Variants in LZTS1 observed in about 807,000 individuals in gnomAD.
LZTS1 encodes leucine zipper putative tumor suppressor 1.
A neutral mutation model predicts 45.8 loss-of-function variants in LZTS1; 31 were observed. The observed-to-expected ratio is 0.68, with a 90% CI of 0.51 to 0.91. The LOEUF (loss-of-function observed/expected upper bound fraction) is 0.91. Among genes scored for constraint, LZTS1 ranks in the 40% least tolerant of loss-of-function variants. The pLI is 0.00. For synonymous variants in LZTS1, 359 were observed against 357.3 expected (o/e 1.00, Z -0.05); for missense variants, 821 against 788.9 (o/e 1.04, Z -0.49).
intron 1 of LZTS1, among the ~76,000 whole-genome samples, chr8:20,291,093 A>C (rs1159299494): frequency 6.6e-6 from 1 of 152,170 alleles, no homozygotes; most frequent in East Asian, 1.9e-4. Flanking sequence ...AGGACACTGA[A>C]TGGTATCACA....
chr8:20,270,747 C>T (rs142865769), intron 1 of LZTS1, among the ~76,000 whole-genome samples: 85 of 151,970 alleles, frequency 5.6e-4, no homozygotes, highest in Admixed American at 1.5e-3. Flanking sequence ...TGGCCTTACC[C>T]CTCACCCCTA....
At position 20,251,138 on chromosome 8, in the gene LZTS1, TATATATATATAA is replaced by T. The variant is rs1341402069; in HGVS notation, c.1150-787_1150-776del. Among the ~76,000 whole-genome samples, 271 of 84,132 alleles carry T rather than the reference TATATATATATAA, an allele frequency of 3.2e-3. 14 individuals are homozygous for T. Among genetic ancestry groups the T allele is most frequent in the Non-Finnish European group, 4.2e-3 (179 of 43,100 alleles). 55.2% of individuals were successfully genotyped at this position (84,132 alleles called of 152,430 possible). On this transcript the variant is annotated intron_variant, in intron 3 of 3. Transcript: ENST00000381569. ...ATATATATATATATATATATATATA[TATATATATATAA>T]AATATAAAGTATAAGAGTAGAGATT... is the stretch of plus-strand genomic sequence containing the variant.
chr8:20,296,667 A>G (rs757803818), intron 1 of LZTS1, among the ~76,000 whole-genome samples: 1 of 152,104 alleles, frequency 6.6e-6, no homozygotes, highest in African/African-American at 2.4e-5. Flanking sequence ...AGACAATGAG[A>G]GTGGATGAAT....
chr8:20,252,773 T>C lies in LZTS1; in HGVS notation c.1149+9A>G, dbSNP rs368052167. 17 of 1,508,634 alleles carry C rather than the reference T, an allele frequency of 1.1e-5. No individual in the cohort carries two copies. The African/African-American group carries it at 2.1e-4, about 19-fold the overall frequency. 93.5% of individuals were successfully genotyped at this position (1,508,634 alleles called of 1,614,324 possible). A position where few individuals can be genotyped will look rare whatever the true frequency, so the allele number is the denominator to read the frequency against. On this transcript the variant is annotated intron_variant, in intron 3 of 3. Transcript: ENST00000381569. ...ACCACCCAAACCCATGAGCCCTGTG[T>C]GGCCTCACCTCCCACTGGGTCTCCT...
chr8:20,262,648 CAG>C (rs2128894569), intron 1 of LZTS1, among the ~76,000 whole-genome samples: 1 of 152,288 alleles, frequency 6.6e-6, no homozygotes, highest in East Asian at 1.9e-4. Context: ...GGCTTGGTGT[CAG>C]AGCAGCAGTT....
intron 1 of LZTS1, among the ~76,000 whole-genome samples, chr8:20,263,918 C>A (rs924350340): frequency 2.0e-5 from 3 of 152,092 alleles, no homozygotes; most frequent in Non-Finnish European, 2.9e-5. Context: ...AACCCAAGTA[C>A]CCCGTGCAGA....
At chr8:20,302,066 C>A (rs780386130) in intron 1 of LZTS1, among the ~76,000 whole-genome samples, 5 of 152,228 alleles carry the variant, frequency 3.3e-5, no homozygotes, top group African/African-American at 7.2e-5. Flanking sequence ...TACTAGGACT[C>A]CCAGTTGCTC....
At chr8:20,293,024 C>T (rs1268198602) in intron 1 of LZTS1, among the ~76,000 whole-genome samples, 5 of 151,878 alleles carry the variant, frequency 3.3e-5, no homozygotes, top group Admixed American at 3.3e-4. Context: ...TTAGGAACTT[C>T]CCTCTCTTTG....
At chr8:20,282,288 T>C (rs1157418168) in intron 1 of LZTS1, among the ~76,000 whole-genome samples, 2 of 152,142 alleles carry the variant, frequency 1.3e-5, no homozygotes, top group Admixed American at 1.3e-4. Flanking sequence ...TCCAGAGCAC[T>C]GGTGGGAAAG....
Position 20,249,658 on chromosome 8 carries a change from G to A in LZTS1, c.*64C>T. ...AGGGGTCTGAATTGCTGAGCAGGGG[G>A]GATGCACGGGAGAGCCCTGCCTCCC... On this transcript the variant is annotated 3_prime_UTR_variant, in exon 4 of 4. Coordinates refer to ENST00000381569, the MANE Select transcript of LZTS1 (RefSeq NM_021020.5). 1 of 1,537,968 alleles carries A rather than the reference G, an allele frequency of 6.5e-7. No homozygotes were observed. The highest frequency in any genetic ancestry group is 8.7e-7 in the Non-Finnish European group (1 of 1,144,720).
chr8:20,277,606 G>C (rs908224503), intron 1 of LZTS1, among the ~76,000 whole-genome samples: 3 of 152,168 alleles, frequency 2.0e-5, no homozygotes, highest in Non-Finnish European at 2.9e-5. Flanking sequence ...CCAAGAAATG[G>C]TTTAAGAACT....
At chr8:20,298,627 C>T (rs1292672356) in intron 1 of LZTS1, among the ~76,000 whole-genome samples, 1 of 152,162 alleles carries the variant, frequency 6.6e-6, no homozygotes, top group East Asian at 1.9e-4. Context: ...CTCTGGGAAG[C>T]CAAAGTGGGA....
At chr8:20,280,146 C>T (rs1206670968) in intron 1 of LZTS1, among the ~76,000 whole-genome samples, 1 of 152,128 alleles carries the variant, frequency 6.6e-6, no homozygotes, top group East Asian at 1.9e-4. Context: ...GGTACCACCC[C>T]AACCCCAGAT....
At chr8:20,250,968 C>T (rs1169231222) in intron 3 of LZTS1, among the ~76,000 whole-genome samples, 3 of 151,418 alleles carry the variant, frequency 2.0e-5, no homozygotes, top group African/African-American at 7.3e-5. Flanking sequence ...CCAAGCCATA[C>T]ATTTGCTCAT....
At position 20,271,096 on chromosome 8, in the gene LZTS1, G is replaced by A. The variant is rs1048274447; in HGVS notation, c.-134-15781C>T. Reference sequence around the variant, plus strand: ...TGCTCAACAGCATGGGAGTCTGTGTGCACAAGCCAGGAAGCCTGTGGCCAT... The same window carrying A: ...TGCTCAACAGCATGGGAGTCTGTGTACACAAGCCAGGAAGCCTGTGGCCAT... On this transcript the variant is annotated intron_variant, in intron 1 of 3. Transcript: ENST00000381569. Among the ~76,000 whole-genome samples, 11 of 152,104 alleles carry A rather than the reference G, an allele frequency of 7.2e-5. No homozygotes were observed. In the South Asian group the frequency reaches 8.3e-4, roughly 11 times the overall value.
chr8:20,264,353 A>G (rs546291039), intron 1 of LZTS1, among the ~76,000 whole-genome samples: 32 of 152,154 alleles, frequency 2.1e-4, no homozygotes, highest in Admixed American at 4.6e-4. Flanking sequence ...TTTTCCACGT[A>G]TGAAAGCTTT....
intron 1 of LZTS1, among the ~76,000 whole-genome samples, chr8:20,288,284 A>T (rs1800831920): frequency 6.6e-6 from 1 of 152,136 alleles, no homozygotes; most frequent in South Asian, 2.1e-4. Context: ...GCAAAGGCTG[A>T]CTGCCAGCAT....
rs527759585 is a variant in LZTS1, at chr8:20,251,098, AATATATATAT to A, written c.1150-745_1150-736del. On this transcript the variant is annotated intron_variant, in intron 3 of 3. Transcript: ENST00000381569. ...TGGTGAAGTGACCAGCCTGAGGGCT[AATATATATAT>A]ATATATATATATATATATATATATA... 6.9e-3 allele frequency among the ~76,000 whole-genome samples: 286 copies of A among 41,280 alleles called. 10 individuals carry two copies. Among genetic ancestry groups the A allele is most frequent in the Admixed American group, 0.067 (188 of 2,802 alleles). The allele number at this position is 41,280 out of a possible 152,430, so 27.1% of individuals were successfully genotyped here.
chr8:20,255,463 T>A (rs908669785), intron 1 of LZTS1, 148 bp from the exon 2 acceptor site: 3 of 478,962 alleles, frequency 6.3e-6, no homozygotes, highest in Admixed American at 7.8e-5. Flanking sequence ...CTTCTTCCTT[T>A]GTCTGATAAT....
Sources: gnomAD v4.1 joint callset for allele counts (sites outside exome capture counted in the v4.1 genomes callset) on GRCh38, gnomAD v4.1.1 for gene constraint, MANE v1.5 for transcripts, NCBI Gene and HGNC (gene_info 2026-07-23, HGNC 2026-07-21) for gene names.